THNSL1: variants seen among roughly 807,000 people sequenced by gnomAD.
THNSL1 encodes the protein threonine synthase-like 1.
In THNSL1, 48 loss-of-function variants were observed where a neutral mutation model predicts 50.4. The ratio of observed to expected loss-of-function variants is 0.95; its 90% CI spans 0.76 to 1.21. THNSL1 has a LOEUF of 1.21. Ranked by LOEUF, THNSL1 falls within the 50% of genes most tolerant of loss-of-function variation. THNSL1 has a pLI of 0.00. For synonymous variants in THNSL1, 309 were observed against 306.1 expected, an observed-to-expected ratio of 1.01 and a Z score of -0.10; for missense variants, 896 against 871.7, an observed-to-expected ratio of 1.03 and a Z score of -0.35.
chr10:25,018,845 G>A (rs910709301), intron 1 of THNSL1, among the ~76,000 whole-genome samples: 1 of 152,114 alleles, frequency 6.6e-6, no homozygotes, highest in South Asian at 2.1e-4. Context: ...AGATCGTTAA[G>A]AATATGTCTA....
chr10:24,997,274 C>A, the THNSL1 span, among the ~76,000 whole-genome samples: 1 of 151,988 alleles, frequency 6.6e-6, no homozygotes, highest in Non-Finnish European at 1.5e-5. Context: ...CAAAAATCAA[C>A]TAATCCTCTG....
the THNSL1 span, among the ~76,000 whole-genome samples, chr10:24,963,524 G>A: frequency 5.3e-5 from 8 of 152,236 alleles, no homozygotes; most frequent in African/African-American, 1.7e-4. Context: ...TTATTATTCA[G>A]GAACCTCTTT....
At chr10:24,964,473 A>G in the THNSL1 span, among the ~76,000 whole-genome samples, 1 of 152,260 alleles carries the variant, frequency 6.6e-6, no homozygotes, top group Non-Finnish European at 1.5e-5. Context: ...GAGAAACATA[A>G]GTTAAATGAA....
chr10:24,967,840 CTGTA>C, the THNSL1 span, among the ~76,000 whole-genome samples: 1 of 150,072 alleles, frequency 6.7e-6, no homozygotes, highest in Admixed American at 6.7e-5. Flanking sequence ...GTGTGTATGT[CTGTA>C]TGATGTGTGC....
the THNSL1 span, among the ~76,000 whole-genome samples, chr10:24,978,503 C>T: frequency 5.3e-5 from 8 of 151,382 alleles, no homozygotes; most frequent in South Asian, 4.2e-4. Context: ...CTCCTTCTCT[C>T]TCTCTCTCTC....
chr10:24,973,143 T>C, the THNSL1 span, among the ~76,000 whole-genome samples: 35 of 152,268 alleles, frequency 2.3e-4, no homozygotes, highest in South Asian at 7.1e-3. Flanking sequence ...GTCCATAACT[T>C]TCACCATTTC....
At chr10:25,015,272 C>T (rs1160577888), upstream of THNSL1, among the ~76,000 whole-genome samples, 1 of 152,184 alleles carries the variant, frequency 6.6e-6, no homozygotes, top group East Asian at 1.9e-4. Flanking sequence ...GGTTCATTAT[C>T]TATCCACCAA....
At chr10:24,956,542 A>C in the THNSL1 span, among the ~76,000 whole-genome samples, 1 of 147,206 alleles carries the variant, frequency 6.8e-6, no homozygotes, top group Non-Finnish European at 1.5e-5. Flanking sequence ...CATAATAGTT[A>C]TACATATTAT....
the THNSL1 span, among the ~76,000 whole-genome samples, chr10:25,005,871 G>C: frequency 6.6e-6 from 1 of 152,086 alleles, no homozygotes; most frequent in South Asian, 2.1e-4. Flanking sequence ...AATAATATGT[G>C]GAATATCAAA....
the THNSL1 span, among the ~76,000 whole-genome samples, chr10:24,957,195 A>C: frequency 6.6e-6 from 1 of 152,198 alleles, no homozygotes; most frequent in African/African-American, 2.4e-5. Flanking sequence ...CCAGTATTCT[A>C]GTCTCTACTT....
the THNSL1 span, among the ~76,000 whole-genome samples, chr10:24,985,651 G>A: frequency 3.9e-5 from 6 of 152,172 alleles, no homozygotes; most frequent in Non-Finnish European, 8.8e-5. Flanking sequence ...TTCTGTTTCT[G>A]CATAATTATC....
chr10:25,022,997 C>T (rs1850755516), intron 2 of THNSL1, among the ~76,000 whole-genome samples, 179 bp from the exon 3 acceptor site: 1 of 151,996 alleles, frequency 6.6e-6, no homozygotes, highest in Middle Eastern at 3.2e-3. Context: ...GGATAATATG[C>T]AATATATAAG....
At chr10:24,988,177 T>A in the THNSL1 span, among the ~76,000 whole-genome samples, 1 of 150,120 alleles carries the variant, frequency 6.7e-6, no homozygotes, top group Non-Finnish European at 1.5e-5. Context: ...TGAGCCAAGA[T>A]CATGCCACTG....
At chr10:25,019,106 C>T (rs993836055) in intron 1 of THNSL1, among the ~76,000 whole-genome samples, 3 of 152,172 alleles carry the variant, frequency 2.0e-5, no homozygotes, top group Non-Finnish European at 1.5e-5. Flanking sequence ...TAGTTTGTGT[C>T]CTGATACACA....
the THNSL1 span, among the ~76,000 whole-genome samples, chr10:24,977,255 T>C: frequency 1.3e-5 from 2 of 152,206 alleles, no homozygotes; most frequent in Admixed American, 6.5e-5. Flanking sequence ...TGTATAATTA[T>C]TTTCATACTA....
At chr10:25,013,156 C>T (rs1162780777), upstream of THNSL1, among the ~76,000 whole-genome samples, 1 of 152,148 alleles carries the variant, frequency 6.6e-6, no homozygotes, top group Non-Finnish European at 1.5e-5. Context: ...GCTTCCTCAG[C>T]CATGTGAAAC....
At position 25,025,379 on chromosome 10, in the gene THNSL1, A is replaced by G; in HGVS notation, c.2156A>G (p.Glu719Gly). ...LERTKQQEKM[E>G]YQVCAADMNV... ...AGAACAAAACAGCAAGAGAAGATGG[A>G]GTACCAGGTCTGTGCAGCTGATATG... Residue 719 changes from glutamate to glycine, a missense_variant, in exon 3 of 3, where the codon GAG (glutamate) becomes GGG (glycine). Transcript: ENST00000376356. 6.2e-7 allele frequency: 1 copy of G among 1,614,244 alleles called. No homozygotes were observed. The highest frequency in any genetic ancestry group is 8.5e-7 in the Non-Finnish European group (1 of 1,180,044).
chr10:24,952,591 C>G, the THNSL1 span: 1 of 1,489,858 alleles, frequency 6.7e-7, no homozygotes, highest in Non-Finnish European at 9.0e-7. This position sits in a 1 kb window ranked among gnomAD's most constrained non-coding sequence, Gnocchi z 5.1. Flanking sequence ...TCCCGGGGAA[C>G]GCGGGAAGGG....
At chr10:25,017,075 C>T (rs1357628634) in intron 1 of THNSL1, among the ~76,000 whole-genome samples, 2 of 152,168 alleles carry the variant, frequency 1.3e-5, no homozygotes, top group African/African-American at 4.8e-5. Flanking sequence ...GTCGGCTCTG[C>T]GCCTGCTCTT....
Sources: gnomAD v4.1 joint callset for allele counts (sites outside exome capture counted in the v4.1 genomes callset) on GRCh38, gnomAD v4.1.1 for gene constraint, Gnocchi (gnomAD v3.1) non-coding constraint, MANE v1.5 for transcripts, NCBI Gene and HGNC (gene_info 2026-07-23, HGNC 2026-07-21) for gene names.